RFC3: variants seen among roughly 807,000 people sequenced by gnomAD.
RFC3 encodes A1 38 kDa subunit.
Under a neutral mutation model 45.1 loss-of-function variants are expected in RFC3, and 41 were observed. That is an observed-to-expected ratio of 0.91 (90% CI 0.71 to 1.18). The LOEUF (loss-of-function observed/expected upper bound fraction) is 1.18. RFC3 is among the 50% of genes most tolerant of loss of function. The pLI is 0.00. For synonymous variants in RFC3, 149 were observed against 144.0 expected (o/e 1.03, Z -0.25); for missense variants, 423 against 428.1 (o/e 0.99, Z 0.10).
intron 8 of RFC3, among the ~76,000 whole-genome samples, chr13:33,958,751 A>T (rs955045247): frequency 1.3e-5 from 2 of 152,134 alleles, no homozygotes; most frequent in African/African-American, 4.8e-5. Context: ...GACACCAGCC[A>T]CTTGACCTTA....
At chr13:33,945,383 C>A (rs1317221823) in intron 8 of RFC3, among the ~76,000 whole-genome samples, 1 of 152,008 alleles carries the variant, frequency 6.6e-6, no homozygotes, top group African/African-American at 2.4e-5. Flanking sequence ...ATACAGTTTG[C>A]AAATTAAGGA....
intron 4 of RFC3, among the ~76,000 whole-genome samples, chr13:33,829,249 A>G (rs1326220504): frequency 1.3e-5 from 2 of 152,184 alleles, no homozygotes; most frequent in African/African-American, 2.4e-5. Flanking sequence ...ATCTTACTTT[A>G]TGGTGGCCAG....
chr13:33,871,606 C>A (rs1246178149), intron 8 of RFC3, among the ~76,000 whole-genome samples: 1 of 152,216 alleles, frequency 6.6e-6, no homozygotes, highest in African/African-American at 2.4e-5. Flanking sequence ...GACATATTCA[C>A]AGGTTCCAGG....
At chr13:33,872,803 C>CCCA (rs60317732) in intron 8 of RFC3, among the ~76,000 whole-genome samples, 8 of 139,778 alleles carry the variant, frequency 5.7e-5, no homozygotes, top group Non-Finnish European at 1.1e-4. Flanking sequence ...CCCCCCCCCC[C>CCCA]AAAATACATG....
Position 33,818,303 on chromosome 13 carries a change from G to T in RFC3, c.87+38G>T, listed in dbSNP as rs372362680. The T allele has an allele frequency of 1.9e-5, 30 of 1,577,848 alleles. No individual in the cohort carries two copies. In the Middle Eastern group the frequency reaches 8.5e-4, roughly 45 times the overall value. On this transcript the variant is annotated intron_variant, in intron 1 of 8. Transcript: ENST00000380071. Reference sequence around the variant, plus strand: ...GGGCCGGGAGCGTGGGAGAGGGGAGGCCCCCCGGCTCGGGGTTTCGCGCCC... The same window carrying T: ...GGGCCGGGAGCGTGGGAGAGGGGAGTCCCCCCGGCTCGGGGTTTCGCGCCC...
chr13:33,848,547 AC>A (rs1365744635), intron 8 of RFC3: 1 of 152,156 alleles, frequency 6.6e-6, no homozygotes, highest in Non-Finnish European at 1.5e-5. Context: ...TCAGGGTACT[AC>A]TTTTCTTCTA....
In RFC3 at chr13:33,905,421, TC is replaced by T. The variant is rs200588718; in HGVS notation, c.880-60665del. ...TCGCTGATTTCTTTCACTTGTGTTC[TC>T]TTTTTTTTTTCTTGCATGCATGAGT... On this transcript the variant is annotated intron_variant, in intron 8 of 8. Coordinates refer to the RFC3 transcript ENST00000434425. Among the ~76,000 whole-genome samples the T allele has an allele frequency of 4.6e-3, 667 of 145,816 alleles. 6 individuals are homozygous for T. The highest frequency in any genetic ancestry group is 0.018 in the African/African-American group (644 of 36,262).
At chr13:33,951,974 T>G (rs922444172) in intron 8 of RFC3, among the ~76,000 whole-genome samples, 2 of 152,230 alleles carry the variant, frequency 1.3e-5, no homozygotes, top group African/African-American at 4.8e-5. Flanking sequence ...CACAAAGTCA[T>G]TGGCTTTAAG....
intron 8 of RFC3, among the ~76,000 whole-genome samples, chr13:33,937,701 A>G (rs1203981643): frequency 6.6e-6 from 1 of 152,220 alleles, no homozygotes; most frequent in Non-Finnish European, 1.5e-5. Flanking sequence ...GAAAAGGTGT[A>G]GCCGGACTCC....
At chr13:33,904,075 A>G (rs1339061137) in intron 8 of RFC3, among the ~76,000 whole-genome samples, 2 of 152,004 alleles carry the variant, frequency 1.3e-5, no homozygotes, top group Non-Finnish European at 2.9e-5. Context: ...CTGAAATGCT[A>G]TCTGAATTTG....
At chr13:33,967,645 G>A (rs1041151114), downstream of RFC3, among the ~76,000 whole-genome samples, 3 of 151,518 alleles carry the variant, frequency 2.0e-5, no homozygotes, top group African/African-American at 2.4e-5. Flanking sequence ...ACACCACCAC[G>A]CCCAGCTAAT....
chr13:33,829,502 T>C (rs1270309667), intron 4 of RFC3: 1 of 245,024 alleles, frequency 4.1e-6, no homozygotes, highest in African/African-American at 2.3e-5. Flanking sequence ...TGTTTCTTGG[T>C]CTTGTTTGAT....
At chr13:33,948,606 C>G (rs996468836) in intron 8 of RFC3, among the ~76,000 whole-genome samples, 1 of 152,202 alleles carries the variant, frequency 6.6e-6, no homozygotes, top group Admixed American at 6.5e-5. Context: ...ACACTCAATG[C>G]CAGTCTGTGA....
intron 8 of RFC3, among the ~76,000 whole-genome samples, chr13:33,873,601 A>G (rs904836731): frequency 6.6e-6 from 1 of 152,178 alleles, no homozygotes; most frequent in African/African-American, 2.4e-5. Context: ...TGGTTTTGCA[A>G]AGGGACATGA....
intron 8 of RFC3, among the ~76,000 whole-genome samples, chr13:33,864,756 G>T (rs900244752): frequency 6.6e-6 from 1 of 151,898 alleles, no homozygotes; most frequent in African/African-American, 2.4e-5. Flanking sequence ...CCAATAAATG[G>T]TATAGATTTT....
the RFC3 span, among the ~76,000 whole-genome samples, chr13:33,973,192 G>A: frequency 1.3e-5 from 2 of 152,052 alleles, no homozygotes; most frequent in Non-Finnish European, 2.9e-5. Flanking sequence ...CTGTAGTAAT[G>A]GTTAAACTGC....
At chr13:33,830,877 A>T (rs757087717) in intron 6 of RFC3, 22 bp downstream of exon 6, 30 of 1,589,082 alleles carry the variant, frequency 1.9e-5, no homozygotes, top group African/African-American at 4.1e-5. Context: ...GGGTAGTTAC[A>T]TTCTAGGACT....
At chr13:33,839,513 C>T (rs2082182024), downstream of RFC3, among the ~76,000 whole-genome samples, 1 of 152,174 alleles carries the variant, frequency 6.6e-6, no homozygotes, top group Non-Finnish European at 1.5e-5. Context: ...CCATTTTTAC[C>T]TGCAGCTGAT....
chr13:33,868,072 G>T (rs2082385088), intron 8 of RFC3, among the ~76,000 whole-genome samples: 1 of 152,186 alleles, frequency 6.6e-6, no homozygotes. Context: ...TTCCTTTGCT[G>T]GGAGAGCTTG....
Sources: allele counts gnomAD v4.1 joint callset (sites outside exome capture counted in the v4.1 genomes callset), GRCh38; gene constraint gnomAD v4.1.1; transcripts MANE v1.5; gene names NCBI Gene and HGNC (gene_info 2026-07-23, HGNC 2026-07-21).